Variants in ABCC1 observed in about 807,000 individuals in gnomAD.
The protein encoded by ABCC1 is multidrug resistance-associated protein 1.
In ABCC1, 83 loss-of-function variants were observed where a neutral mutation model predicts 172.9. The observed-to-expected ratio is 0.48, with a 90% CI of 0.40 to 0.58. The LOEUF is 0.58. Ranked by LOEUF, ABCC1 falls within the 20% of genes least tolerant of loss-of-function variation. The pLI is 0.00. For synonymous variants in ABCC1, 937 were observed against 825.2 expected, an observed-to-expected ratio of 1.14 and a Z score of -2.32; for missense variants, 1,817 against 2,002.7, an observed-to-expected ratio of 0.91 and a Z score of 1.77.
chr16:16,037,591 T>C (rs765525701), intron 7 of ABCC1, among the ~76,000 whole-genome samples: 30 of 152,132 alleles, frequency 2.0e-4, no homozygotes, highest in Non-Finnish European at 1.6e-4. Flanking sequence ...ATTGCGGCCA[T>C]GGGGGTAGTA....
At chr16:16,068,372 G>GC in intron 13 of ABCC1, 70 bp downstream of exon 13, 1 of 1,566,794 alleles carries the variant, frequency 6.4e-7, no homozygotes, top group African/African-American at 1.3e-5. Flanking sequence ...GCATGGAAGT[G>GC]CCCCCGAGCG....
At chr16:15,959,584 C>G (rs1194527576) in intron 1 of ABCC1, among the ~76,000 whole-genome samples, 1 of 152,228 alleles carries the variant, frequency 6.6e-6, no homozygotes, top group Non-Finnish European at 1.5e-5. Context: ...CCTCGGCCTC[C>G]CAAAGTGCTG....
intron 12 of ABCC1, 61 bp downstream of exon 12, chr16:16,056,356 C>G (rs558062587): frequency 3.8e-6 from 6 of 1,574,394 alleles, no homozygotes; most frequent in Middle Eastern, 1.7e-4. Flanking sequence ...CTCTGCGTAC[C>G]TGAATATTTT....
Position 16,102,733 on chromosome 16 carries a change from A to G in ABCC1, c.2735+16A>G, listed in dbSNP as rs2152058501. ...AACTGCAGAGGTAAGGGCGGGGAGG[A>G]AGGCCCCAACCTAAGGACCCTGCCC... is the stretch of plus-strand genomic sequence containing the variant. On this transcript the variant is annotated intron_variant, in intron 20 of 30. Transcript: ENST00000399410. 6.4e-7 allele frequency: 1 copy of G among 1,559,684 alleles called. No individual in the cohort carries two copies. Among genetic ancestry groups the G allele is most frequent in the Non-Finnish European group, 8.7e-7 (1 of 1,151,574 alleles).
intron 10 of ABCC1, among the ~76,000 whole-genome samples, chr16:16,051,021 C>T (rs1228356232): frequency 6.6e-6 from 1 of 152,108 alleles, no homozygotes; most frequent in Non-Finnish European, 1.5e-5. Context: ...CTAGAACTGC[C>T]TTCAGGATTG....
rs149245958 is a variant in ABCC1, at chr16:16,119,276, A to G, written c.3391-2699A>G. Among the ~76,000 whole-genome samples the G allele has an allele frequency of 6.4e-3, 971 of 152,242 alleles. 23 individuals are homozygous for G. Among genetic ancestry groups the G allele is most frequent in the Admixed American group, 0.038 (585 of 15,276 alleles). ...AGCAACATGGGAAAACCTGGTCTCTACAGAAAATACAAAAATTAGCTGGGT... is the reference window on the plus strand; with the variant it reads ...AGCAACATGGGAAAACCTGGTCTCTGCAGAAAATACAAAAATTAGCTGGGT... On this transcript the variant is annotated intron_variant, in intron 23 of 30. Transcript: ENST00000399410.
chr16:16,007,966 A>T lies in ABCC1; in HGVS notation c.199A>T (p.Met67Leu). ...LSRHDRGYIQ[M>L]TPLNKTKTAL... ...CCGACATGACCGAGGCTACATTCAG[A>T]TGACACCTCTCAACAAAACCAAAAC... The change falls in exon 2 of 31, where the codon ATG becomes TTG. Residue 67 changes from methionine to leucine, a missense_variant. Around this residue, in one of 3 missense-constraint regions of ABCC1, gnomAD observed 398 missense variants for 384.2 expected, o/e 1.04. Transcript: ENST00000399410. 1 of 1,391,102 alleles carries T rather than the reference A, an allele frequency of 7.2e-7. No homozygotes were observed. Among genetic ancestry groups the T allele is most frequent in the Non-Finnish European group, 9.6e-7 (1 of 1,045,494 alleles). The allele number at this position is 1,391,102 out of a possible 1,614,324, so 86.2% of individuals were successfully genotyped here.
intron 30 of ABCC1, among the ~76,000 whole-genome samples, chr16:16,139,780 G>A (rs1376784365): frequency 3.3e-5 from 5 of 152,092 alleles, no homozygotes; most frequent in Non-Finnish European, 5.9e-5. Flanking sequence ...AGGGTCCTGG[G>A]GGGTTTTGAG....
chr16:15,971,470 G>A (rs961621665), intron 1 of ABCC1, among the ~76,000 whole-genome samples: 1 of 152,172 alleles, frequency 6.6e-6, no homozygotes, highest in Non-Finnish European at 1.5e-5. Context: ...CTTTTCCGGA[G>A]TTGCTTTAAA....
At chr16:16,062,195 C>G (rs1277410428) in intron 12 of ABCC1, among the ~76,000 whole-genome samples, 1 of 152,190 alleles carries the variant, frequency 6.6e-6, no homozygotes, top group South Asian at 2.1e-4. Context: ...GTTCTCACAG[C>G]TTTTTGCTCT....
intron 19 of ABCC1, 75 bp from the exon 20 acceptor site, chr16:16,102,552 C>T: frequency 7.2e-7 from 1 of 1,397,600 alleles, no homozygotes; most frequent in Middle Eastern, 1.8e-4. Context: ...ACTGAAGTGG[C>T]CGGTTTTTGT....
At chr16:16,133,725 T>C (rs2045800366) in intron 27 of ABCC1, among the ~76,000 whole-genome samples, 1 of 152,164 alleles carries the variant, frequency 6.6e-6, no homozygotes, top group Non-Finnish European at 1.5e-5. Flanking sequence ...CTTTATGGCT[T>C]ATCTCACGTC....
intron 10 of ABCC1, among the ~76,000 whole-genome samples, chr16:16,049,047 A>G (rs370581780): frequency 6.6e-6 from 1 of 152,180 alleles, no homozygotes; most frequent in East Asian, 1.9e-4. Flanking sequence ...TATCTCAGAA[A>G]TCTGGGGACT....
At chr16:16,127,948 G>C (rs1347903007) in intron 26 of ABCC1, among the ~76,000 whole-genome samples, 1 of 135,278 alleles carries the variant, frequency 7.4e-6, no homozygotes, top group African/African-American at 2.8e-5. Flanking sequence ...GATGGAATTT[G>C]GCTTTTTTTT....
chr16:15,978,642 G>T (rs1458320647), intron 1 of ABCC1, among the ~76,000 whole-genome samples: 1 of 152,132 alleles, frequency 6.6e-6, no homozygotes, highest in African/African-American at 2.4e-5. Context: ...TACAAGCAAA[G>T]CTCAGTAATT....
At chr16:16,024,788 G>A (rs1248999483) in intron 5 of ABCC1, among the ~76,000 whole-genome samples, 1 of 152,174 alleles carries the variant, frequency 6.6e-6, no homozygotes, top group Admixed American at 6.6e-5. Context: ...GGACATGGGG[G>A]TGAGGTCGGT....
intron 5 of ABCC1, among the ~76,000 whole-genome samples, chr16:16,018,862 C>A (rs1294505702): frequency 6.6e-6 from 1 of 151,802 alleles, no homozygotes; most frequent in African/African-American, 2.4e-5. Context: ...TTCACAAAGG[C>A]AATGGTGACT....
intron 1 of ABCC1, among the ~76,000 whole-genome samples, chr16:15,990,001 C>A (rs1336861567): frequency 6.6e-6 from 1 of 152,136 alleles, no homozygotes; most frequent in African/African-American, 2.4e-5. Context: ...CTCAGCCTCC[C>A]AAGTAGGTGG....
intron 19 of ABCC1, chr16:16,098,245 T>A (rs2051568137): frequency 6.3e-6 from 1 of 157,538 alleles, no homozygotes; most frequent in African/African-American, 2.4e-5. Flanking sequence ...TTTATTTCTT[T>A]TCCTCTCCTG....
Sources: allele counts gnomAD v4.1 joint callset (sites outside exome capture counted in the v4.1 genomes callset), GRCh38; gene constraint gnomAD v4.1.1; regional missense constraint gnomAD v4.1.1; transcripts MANE v1.5; gene names NCBI Gene and HGNC (gene_info 2026-07-23, HGNC 2026-07-21).